The following BRCA2 variants were observed in gnomAD, a reference collection of about 807,000 sequenced individuals.
BRCA2 encodes the protein BRCA2 DNA repair associated.
In BRCA2, 203 loss-of-function variants were observed where a neutral mutation model predicts 276.7. The ratio of observed to expected loss-of-function variants is 0.73; its 90% confidence interval spans 0.65 to 0.82. The LOEUF (loss-of-function observed/expected upper bound fraction) is 0.82, where lower values mean the gene tolerates loss of function less well. BRCA2 is among the 40% of genes least tolerant of loss of function. BRCA2 has a pLI of 0.00. For synonymous variants in BRCA2, 1,289 were observed against 1,338.4 expected, an observed-to-expected ratio of 0.96 and a Z score of 0.81; for missense variants, 3,920 against 3,915.0, an observed-to-expected ratio of 1.00 and a Z score of -0.03.
Position 32,397,006 on chromosome 13 carries a change from A to G in BRCA2, c.9610A>G (p.Thr3204Ala), listed in dbSNP as rs80359231. The change falls in exon 26 of 27, where the codon ACT (threonine) becomes GCT (alanine). Residue 3204 changes from threonine (T) to alanine (A), a missense_variant. By Grantham distance (58) the Thr-to-Ala change is moderately conservative (BLOSUM62 0). This residue lies in a region of BRCA2 where 657 missense variants were observed against 758.2 expected (regional missense o/e 0.87). Transcript: ENST00000380152. ...PTKDCTSGPY[T>A]AQIIPGTGNK... ...TAAAGACTGTACTTCAGGGCCGTAC[A>G]CTGCTCAAATCATTCCTGGTACAGG... The G allele has an allele frequency of 4.3e-6, 7 of 1,614,032 alleles. No individual in the cohort carries two copies. Among genetic ancestry groups the G allele is most frequent in the Non-Finnish European group, 2.5e-6 (3 of 1,180,000 alleles).
intron 13 of BRCA2, among the ~76,000 whole-genome samples, chr13:32,354,601 G>C (rs2072674021): frequency 6.6e-6 from 1 of 152,144 alleles, no homozygotes; most frequent in Admixed American, 6.5e-5. Flanking sequence ...GGAGTACTAT[G>C]ATGGAATTAG....
chr13:32,326,633 A>AT lies in BRCA2; in HGVS notation c.631+23dup. On this transcript the variant is annotated intron_variant, in intron 7 of 26. Transcript: ENST00000380152. Reference sequence around the variant, plus strand: ...TCATAGGTAATAATAGCAAATGTGTATTTACAAGAAAGAGCAGATGAGGTT... The same window carrying AT: ...TCATAGGTAATAATAGCAAATGTGTATTTTACAAGAAAGAGCAGATGAGGTT... 1 of 1,538,238 alleles carries AT rather than the reference A, an allele frequency of 6.5e-7. No individual in the cohort carries two copies. Among genetic ancestry groups the AT allele is most frequent in the Non-Finnish European group, 9.0e-7 (1 of 1,113,504 alleles).
chr13:32,372,453 G>A (rs144363779), intron 20 of BRCA2, among the ~76,000 whole-genome samples: 2 of 152,260 alleles, frequency 1.3e-5, no homozygotes, highest in East Asian at 1.9e-4. Context: ...ATGGCGGAAG[G>A]CAAAGGCAAA....
rs1420447960 is a variant in BRCA2 at position 32,380,055 on chromosome 13, C to T, written c.9166C>T (p.His3056Tyr). The T allele has an allele frequency of 3.1e-6, 5 of 1,614,126 alleles. No individual in the cohort carries two copies. The East Asian group carries it at 8.9e-5, about 29-fold the overall frequency. The change falls in exon 24 of 27, where the codon CAC becomes TAC. Residue 3056 changes from histidine (H) to tyrosine (Y), a missense_variant. This residue lies in a region of BRCA2 where 657 missense variants were observed against 758.2 expected (regional missense o/e 0.87). Coordinates refer to ENST00000380152, the MANE Select transcript of BRCA2 (RefSeq NM_000059.4). ...FQIYQPREPL[H>Y]FSKFLDPDFQ... ...GATTTACCAGCCACGGGAGCCCCTTCACTTCAGCAAATTTTTAGATCCAGA... is the reference window on the plus strand; with the variant it reads ...GATTTACCAGCCACGGGAGCCCCTTTACTTCAGCAAATTTTTAGATCCAGA...
rs587781455 is a variant in BRCA2 at position 32,339,948 on chromosome 13, A to G, written c.5593A>G (p.Ile1865Val). 4 of 1,608,594 alleles carry G rather than the reference A, an allele frequency of 2.5e-6. No individual in the cohort carries two copies. Among genetic ancestry groups the G allele is most frequent in the Non-Finnish European group, 3.4e-6 (4 of 1,177,458 alleles). ...TGAAACAATTAAAAAAGTGAAAGAC[A>G]TATTTACAGACAGTTTCAGTAAAGT... ...SHETIKKVKDIFTDSFSKVIK... is the reference protein window; with the variant it reads ...SHETIKKVKDVFTDSFSKVIK... The change falls in exon 11 of 27, where the codon ATA becomes GTA. Residue 1865 changes from isoleucine (I) to valine (V), a missense_variant. Ile to Val is a conservative substitution (Grantham distance 29). This residue lies in a region of BRCA2 where 3,263 missense variants were observed against 3,156.9 expected (regional missense o/e 1.03). Coordinates refer to ENST00000380152, the MANE Select transcript of BRCA2 (RefSeq NM_000059.4).
chr13:32,361,747 T>C (rs770723870), intron 16 of BRCA2, among the ~76,000 whole-genome samples: 14 of 152,092 alleles, frequency 9.2e-5, no homozygotes, highest in Non-Finnish European at 1.8e-4. Flanking sequence ...TGGATAGATA[T>C]GAGGGTGGGA....
chr13:32,333,349 C>T lies in BRCA2; in HGVS notation c.1871C>T (p.Ala624Val), dbSNP rs769698255. ...INCSAQFEAN[A>V]FEAPLTFANA... ...TGTTCAGCCCAGTTTGAAGCAAATG[C>T]TTTTGAAGCACCACTTACATTTGCA... Residue 624 changes from alanine (A) to valine (V), a missense_variant, in exon 10 of 27, where the codon GCT (alanine) becomes GTT (valine). Physicochemically the swap from Ala to Val is moderately conservative, Grantham distance 64 (BLOSUM62 0). This residue lies in a region of BRCA2 where 3,263 missense variants were observed against 3,156.9 expected (regional missense o/e 1.03). Coordinates refer to ENST00000380152, the MANE Select transcript of BRCA2 (RefSeq NM_000059.4). The T allele has an allele frequency of 6.2e-7, 1 of 1,608,064 alleles. No homozygotes were observed. Among genetic ancestry groups the T allele is most frequent in the East Asian group, 2.2e-5 (1 of 44,842 alleles).
intron 9 of BRCA2, among the ~76,000 whole-genome samples, chr13:32,331,600 AG>A (rs2072391917): frequency 6.6e-6 from 1 of 152,204 alleles, no homozygotes; most frequent in Non-Finnish European, 1.5e-5. Flanking sequence ...TTTCGATGAC[AG>A]TATTTAAATA....
chr13:32,332,563 A>T lies in BRCA2; in HGVS notation c.1085A>T (p.Asp362Val), dbSNP rs561004600. The change falls in exon 10 of 27, where the codon GAT (aspartate) becomes GTT (valine). Residue 362 changes from aspartate to valine, a missense_variant. Physicochemically the swap from Asp to Val is radical, Grantham distance 152. Around this residue, in one of 2 missense-constraint regions of BRCA2, gnomAD observed 3,263 missense variants for 3,156.9 expected, o/e 1.03. Coordinates refer to ENST00000380152, the MANE Select transcript of BRCA2 (RefSeq NM_000059.4). ...YSFVSEVEPNDTDPLDSNVAN... is the reference protein window; with the variant it reads ...YSFVSEVEPNVTDPLDSNVAN... ...TTTGTATCTGAAGTGGAACCAAATG[A>T]TACTGATCCATTAGATTCAAATGTA... The T allele has an allele frequency of 6.2e-7, 1 of 1,612,860 alleles. No individual in the cohort carries two copies. Among genetic ancestry groups the T allele is most frequent in the East Asian group, 2.2e-5 (1 of 44,874 alleles).
At chr13:32,324,384 G>T (rs1423276038) in intron 3 of BRCA2, among the ~76,000 whole-genome samples, 1 of 152,118 alleles carries the variant, frequency 6.6e-6, no homozygotes, top group Non-Finnish European at 1.5e-5. Context: ...TTGGGTATGG[G>T]TAAAAAGTAG....
At position 32,349,324 on chromosome 13, in the gene BRCA2, A is replaced by C. The variant is rs11571691; in HGVS notation, c.7007+2428A>C. Reference sequence around the variant, plus strand: ...CATTGAAGAAACTTACACACACACAAAAAAAAAACAAGGAAAATAGGAAAT... The same window carrying C: ...CATTGAAGAAACTTACACACACACACAAAAAAAACAAGGAAAATAGGAAAT... On this transcript the variant is annotated intron_variant, in intron 13 of 26. Coordinates refer to ENST00000380152, the MANE Select transcript of BRCA2 (RefSeq NM_000059.4). Among the ~76,000 whole-genome samples, 2,670 of 149,988 alleles carry C rather than the reference A, an allele frequency of 0.018. 58 individuals carry two copies. Among genetic ancestry groups the C allele is most frequent in the African/African-American group, 0.044 (1,791 of 40,810 alleles).
chr13:32,338,485 A>G lies in BRCA2; in HGVS notation c.4130A>G (p.Asn1377Ser), dbSNP rs749624669. ...KLSGQFMKEG[N>S]TQIKEDLSDL... is the part of the protein sequence containing the mutation. Reference sequence around the variant, plus strand: ...TCTGGCCAGTTTATGAAGGAGGGAAACACTCAGATTAAAGAAGATTTGTCA... The same window carrying G: ...TCTGGCCAGTTTATGAAGGAGGGAAGCACTCAGATTAAAGAAGATTTGTCA... The change falls in exon 11 of 27, where the codon AAC (asparagine) becomes AGC (serine). Residue 1377 changes from asparagine (N) to serine (S), a missense_variant. By Grantham distance (46) the Asn-to-Ser change is conservative. Around this residue, in one of 2 missense-constraint regions of BRCA2, gnomAD observed 3,263 missense variants for 3,156.9 expected, o/e 1.03. Coordinates refer to ENST00000380152, the MANE Select transcript of BRCA2 (RefSeq NM_000059.4). 6.2e-7 allele frequency: 1 copy of G among 1,609,324 alleles called. No homozygotes were observed. Among genetic ancestry groups the G allele is most frequent in the Admixed American group, 1.7e-5 (1 of 58,876 alleles).
chr13:32,318,199 A>G (rs2072277407), intron 2 of BRCA2, among the ~76,000 whole-genome samples: 1 of 152,230 alleles, frequency 6.6e-6, no homozygotes, highest in Non-Finnish European at 1.5e-5. Flanking sequence ...TCATCTTTGC[A>G]CTGTTGATAC....
intron 9 of BRCA2, among the ~76,000 whole-genome samples, chr13:32,331,933 T>A (rs1167319207): frequency 6.6e-6 from 1 of 152,184 alleles, no homozygotes; most frequent in Non-Finnish European, 1.5e-5. Flanking sequence ...ATTTGGAACA[T>A]CTGTTTTGAT....
Position 32,336,587 on chromosome 13 carries a change from A to C in BRCA2, c.2232A>C (p.Ser744=). Residue 744 remains serine (S), a synonymous_variant, in exon 11 of 27, where the codon TCA becomes TCC. Coordinates refer to ENST00000380152, the MANE Select transcript of BRCA2 (RefSeq NM_000059.4). Reference sequence around the variant, plus strand: ...CAGCATGTCACCCAGTACAACATTCAAAAGTGGAATACAGTGATACTGACT... The same window carrying C: ...CAGCATGTCACCCAGTACAACATTCCAAAGTGGAATACAGTGATACTGACT... ...LAAACHPVQH[S]KVEYSDTDFQ... is the part of the protein sequence containing the mutation. 1 of 1,614,120 alleles carries C rather than the reference A, an allele frequency of 6.2e-7. No homozygotes were observed.
intron 2 of BRCA2, among the ~76,000 whole-genome samples, chr13:32,317,445 G>A (rs983834901): frequency 6.6e-6 from 1 of 151,950 alleles, no homozygotes; most frequent in Non-Finnish European, 1.5e-5. Flanking sequence ...TTAACCTCAC[G>A]TTGAAAAAAG....
chr13:32,378,548 G>A (rs955077616), intron 21 of BRCA2, among the ~76,000 whole-genome samples: 9 of 152,284 alleles, frequency 5.9e-5, no homozygotes, highest in South Asian at 4.1e-4. Flanking sequence ...TACAGAGATT[G>A]GATAGTCTCC....
chr13:32,316,923 CG>C (rs1461569325), intron 2 of BRCA2, among the ~76,000 whole-genome samples: 1 of 152,104 alleles, frequency 6.6e-6, no homozygotes, highest in Non-Finnish European at 1.5e-5. Context: ...TAAGGCTGGG[CG>C]TGGTGGCTCA....
chr13:32,351,199 C>A (rs901975365), intron 13 of BRCA2, among the ~76,000 whole-genome samples: 1 of 152,198 alleles, frequency 6.6e-6, no homozygotes, highest in Non-Finnish European at 1.5e-5. Context: ...CTTTAGTGAG[C>A]ACTACCTTTA....
Sources: gnomAD v4.1 joint callset for allele counts (sites outside exome capture counted in the v4.1 genomes callset) on GRCh38, gnomAD v4.1.1 for gene constraint, gnomAD v4.1.1 regional missense constraint, MANE v1.5 for transcripts, NCBI Gene and HGNC (gene_info 2026-07-23, HGNC 2026-07-21) for gene names.